SAMD12: variants seen among roughly 807,000 people sequenced by gnomAD.
SAMD12 encodes the protein sterile alpha motif domain containing 12, also known as sterile alpha motif domain-containing protein 12.
A neutral mutation model predicts 15.0 loss-of-function variants in SAMD12; 9 were observed. The observed-to-expected ratio is 0.60, with a 90% CI of 0.36 to 1.05. The LOEUF is 1.05. SAMD12 is among the 50% of genes least tolerant of loss of function. SAMD12 has a pLI of 0.01. For missense variants in SAMD12, 230 were observed against 234.2 expected (o/e 0.98, Z 0.12); for synonymous variants, 86 against 90.1 (o/e 0.96, Z 0.25).
chr8:118,261,812 G>C (rs1480627921), intron 4 of SAMD12, among the ~76,000 whole-genome samples: 1 of 151,826 alleles, frequency 6.6e-6, no homozygotes, highest in Admixed American at 6.6e-5. Flanking sequence ...ATTTTATGGA[G>C]CACAGAGCTG....
At chr8:118,552,770 C>A (rs202126303) in intron 2 of SAMD12, among the ~76,000 whole-genome samples, 20 of 152,166 alleles carry the variant, frequency 1.3e-4, no homozygotes, top group Non-Finnish European at 1.5e-4. Flanking sequence ...ATGATTGTAT[C>A]TCTAGAAAAC....
chr8:118,246,963 T>C (rs756492617), intron 4 of SAMD12, among the ~76,000 whole-genome samples: 1 of 151,780 alleles, frequency 6.6e-6, no homozygotes, highest in Non-Finnish European at 1.5e-5. Flanking sequence ...AGGAGCTGGG[T>C]TTCCCTCAGT....
intron 2 of SAMD12, among the ~76,000 whole-genome samples, chr8:118,492,643 G>C (rs937366845): frequency 6.6e-6 from 1 of 152,012 alleles, no homozygotes; most frequent in African/African-American, 2.4e-5. Flanking sequence ...ATTACAGTGG[G>C]CCCAGTATAT....
intron 4 of SAMD12, among the ~76,000 whole-genome samples, chr8:118,320,386 T>G (rs945965362): frequency 2.0e-5 from 3 of 152,130 alleles, no homozygotes; most frequent in African/African-American, 7.2e-5. Context: ...TCCTAATGTT[T>G]TCTTGTGCCA....
chr8:118,397,987 C>T (rs1563828509), intron 3 of SAMD12, among the ~76,000 whole-genome samples: 1 of 152,142 alleles, frequency 6.6e-6, no homozygotes, highest in Non-Finnish European at 1.5e-5. Flanking sequence ...CAGGGTTTCA[C>T]CATGTTGCCC....
chr8:118,264,621 G>C (rs1273179815), intron 4 of SAMD12, among the ~76,000 whole-genome samples: 1 of 152,096 alleles, frequency 6.6e-6, no homozygotes, highest in African/African-American at 2.4e-5. Flanking sequence ...AAATGTGCTA[G>C]AGTGAGGATG....
chr8:118,228,827 T>TA (rs1812241445), intron 4 of SAMD12, among the ~76,000 whole-genome samples: 1 of 152,210 alleles, frequency 6.6e-6, no homozygotes, highest in African/African-American at 2.4e-5. Context: ...TCGAAAAAGA[T>TA]ACTTGCATAT....
chr8:118,234,710 CAAA>C (rs10647591), intron 4 of SAMD12, among the ~76,000 whole-genome samples: 2 of 105,626 alleles, frequency 1.9e-5, no homozygotes, highest in Middle Eastern at 5.7e-3. Context: ...GACTCCATCT[CAAA>C]AAAAAAAAAA....
At chr8:118,165,614 GTATA>G in the SAMD12 span, among the ~76,000 whole-genome samples, 12,817 of 120,200 alleles carry the variant, frequency 0.11, 876 homozygotes, top group African/African-American at 0.19. Context: ...ATATATATAT[GTATA>G]TATATATATA....
chr8:118,592,661 TATTA>T (rs756705342), intron 1 of SAMD12, among the ~76,000 whole-genome samples: 3 of 150,814 alleles, frequency 2.0e-5, no homozygotes, highest in African/African-American at 5.0e-5. Context: ...CCTTTACTGT[TATTA>T]ATATTATTTT....
At chr8:118,211,434 A>G (rs1811824156) in intron 4 of SAMD12, among the ~76,000 whole-genome samples, 2 of 152,316 alleles carry the variant, frequency 1.3e-5, no homozygotes, top group Non-Finnish European at 2.9e-5. Context: ...AGACAGAGAG[A>G]GAGGGAGGAA....
exon 5 of SAMD12, chr8:118,195,158 A>G (rs1819523367): frequency 6.6e-6 from 1 of 152,212 alleles, no homozygotes; most frequent in Non-Finnish European, 1.5e-5. Context: ...TGAATTGTTC[A>G]GAATATTTTG....
the SAMD12 span, among the ~76,000 whole-genome samples, chr8:118,162,731 T>G: frequency 6.6e-6 from 1 of 152,206 alleles, no homozygotes; most frequent in Non-Finnish European, 1.5e-5. Context: ...CTTTGAGGAA[T>G]GTCTACAACT....
At chr8:118,251,247 C>T (rs545162185) in intron 4 of SAMD12, among the ~76,000 whole-genome samples, 2 of 152,142 alleles carry the variant, frequency 1.3e-5, no homozygotes, top group Admixed American at 6.6e-5. Flanking sequence ...AGAATTAAAC[C>T]TGATTCAGGT....
intron 2 of SAMD12, among the ~76,000 whole-genome samples, chr8:118,536,183 T>C (rs1009983947): frequency 7.2e-5 from 11 of 152,144 alleles, no homozygotes; most frequent in Admixed American, 7.2e-4. Flanking sequence ...TCTATTAGGA[T>C]ATAGGATACC....
the SAMD12 span, among the ~76,000 whole-genome samples, chr8:118,172,959 G>T: frequency 1.3e-5 from 2 of 152,120 alleles, no homozygotes; most frequent in African/African-American, 4.8e-5. Context: ...CTAGGAATTT[G>T]ATGGTATTTG....
intron 3 of SAMD12, among the ~76,000 whole-genome samples, chr8:118,391,489 T>C (rs892765933): frequency 6.6e-6 from 1 of 152,220 alleles, no homozygotes. Context: ...AACAAGCATC[T>C]TCTTGCCCCT....
At chr8:118,269,220 C>CTCTCTCTCTG (rs1299970707) in intron 4 of SAMD12, among the ~76,000 whole-genome samples, 4 of 123,006 alleles carry the variant, frequency 3.3e-5, no homozygotes, top group East Asian at 2.5e-4. Flanking sequence ...CTCTCTCTCT[C>CTCTCTCTCTG]TGTGTGTGTG....
At chr8:118,493,221 A>C (rs1036232928) in intron 2 of SAMD12, among the ~76,000 whole-genome samples, 2 of 152,140 alleles carry the variant, frequency 1.3e-5, no homozygotes, top group African/African-American at 4.8e-5. Context: ...GTCACCCTTG[A>C]ATTCTCCCTC....
Sources: allele counts gnomAD v4.1 joint callset (sites outside exome capture counted in the v4.1 genomes callset), GRCh38; gene constraint gnomAD v4.1.1; transcripts MANE v1.5; gene names NCBI Gene and HGNC (gene_info 2026-07-23, HGNC 2026-07-21).